The following RIF1 variants were observed in gnomAD, a reference collection of about 807,000 sequenced individuals.
RIF1 encodes the protein replication timing regulatory factor 1, also known as telomere-associated protein RIF1.
A neutral mutation model predicts 247.1 loss-of-function variants in RIF1; 45 were observed. The observed-to-expected ratio is 0.18, with a 90% CI of 0.14 to 0.23. The LOEUF is 0.23. Among genes scored for constraint, RIF1 ranks in the 10% least tolerant of loss-of-function variants. The pLI is 1.00. For synonymous variants in RIF1, 1,087 were observed against 978.8 expected (o/e 1.11, Z -2.06); for missense variants, 2,967 against 2,862.5 (o/e 1.04, Z -0.83).
In RIF1 at chr2:151,490,245, G is replaced by C. The variant is rs2055208846; in HGVS notation, c.*416-4984G>C. The C allele has an allele frequency of 3.1e-6, 4 of 1,273,850 alleles. 1 individual carries two copies. In the South Asian group the frequency reaches 6.0e-5, roughly 19 times the overall value. 78.9% of individuals were successfully genotyped at this position (1,273,850 alleles called of 1,614,324 possible). On this transcript the variant is annotated intron_variant and NMD_transcript_variant, in intron 9 of 13. Coordinates refer to the RIF1 transcript ENST00000454583. ...CTTCATGCAGCCCTCCACAATTCTA[G>C]TCTTTTCTCATTAAAGGAAAGGATG...
chr2:151,522,423 G>A, the RIF1 span, among the ~76,000 whole-genome samples: 1 of 152,192 alleles, frequency 6.6e-6, no homozygotes, highest in African/African-American at 2.4e-5. Flanking sequence ...GAGATTCTCA[G>A]TTTGTTTTCA....
At position 151,469,844 on chromosome 2, in the gene RIF1, A is replaced by G. The variant is rs1458600291; in HGVS notation, c.7075A>G (p.Arg2359Gly). ...AGTGTCCAATGTAAAAAAGGCTCTC[A>G]GAATATATCATGAGCAGCAGGTAAA... ...PKVSNVKKAL[R>G]IYHEQQVKTR... The change falls in exon 34 of 36, where the codon AGA (arginine) becomes GGA (glycine). Residue 2359 changes from arginine (R) to glycine (G), a missense_variant. Arg to Gly is a moderately radical substitution (Grantham distance 125). This residue lies in a region of RIF1 where 151 missense variants were observed against 163.4 expected (regional missense o/e 0.92). Transcript: ENST00000444746. The G allele has an allele frequency of 1.2e-6, 2 of 1,606,226 alleles. No homozygotes were observed. The highest frequency in any genetic ancestry group is 1.1e-5 in the South Asian group (1 of 89,388).
intron 6 of RIF1, among the ~76,000 whole-genome samples, chr2:151,419,116 A>G (rs1687730507): frequency 6.6e-6 from 1 of 151,740 alleles, no homozygotes; most frequent in South Asian, 2.1e-4. Flanking sequence ...GGGCAGTAAC[A>G]TGCATGGAGC....
chr2:151,477,988 C>T lies in RIF1; in HGVS notation c.*2917C>T, dbSNP rs926470888. The stretch of plus-strand genomic sequence containing the variant: ...CCTCCTAAAATGGTGGCATTACAGG[C>T]GTGAGCCACCGCTCCTGGCCCATCA... On this transcript the variant is annotated 3_prime_UTR_variant, in exon 36 of 36. Transcript: ENST00000444746. The T allele has an allele frequency of 1.3e-5, 2 of 152,230 alleles. No individual in the cohort carries two copies. The highest frequency in any genetic ancestry group is 2.9e-5 in the Non-Finnish European group (2 of 68,044). 9.4% of individuals were successfully genotyped at this position (152,230 alleles called of 1,614,324 possible). A position where few individuals can be genotyped will look rare whatever the true frequency, so the allele number is the denominator to read the frequency against.
chr2:151,512,019 C>CTTTTTTTTTT (rs71403173), downstream of RIF1, among the ~76,000 whole-genome samples: 12 of 93,582 alleles, frequency 1.3e-4, 1 homozygote, highest in South Asian at 2.2e-3. Flanking sequence ...CCCTCTCACT[C>CTTTTTTTTTT]TTTTTTTTTT....
intron 7 of RIF1, 87 bp downstream of exon 7, chr2:151,420,466 C>A: frequency 1.5e-6 from 2 of 1,293,058 alleles, no homozygotes; most frequent in Non-Finnish European, 1.1e-6. Flanking sequence ...TGGCCAGGTA[C>A]GGTGGCTCTC....
At chr2:151,447,572 G>T (rs1693536237) in intron 20 of RIF1, among the ~76,000 whole-genome samples, 1 of 152,146 alleles carries the variant, frequency 6.6e-6, no homozygotes, top group Non-Finnish European at 1.5e-5. Context: ...TTGAGACAGA[G>T]TCTCACTCTG....
intron 4 of RIF1, among the ~76,000 whole-genome samples, chr2:151,415,391 C>A (rs970553777): frequency 6.6e-6 from 1 of 150,748 alleles, no homozygotes; most frequent in Non-Finnish European, 1.5e-5. Flanking sequence ...ACACATAGCT[C>A]TAACTTCGAT....
intron 13 of RIF1, 113 bp downstream of exon 13, chr2:151,437,464 G>C: frequency 1.3e-6 from 1 of 762,522 alleles, no homozygotes; most frequent in Non-Finnish European, 2.2e-6. Context: ...GCCGAGGTGA[G>C]TGGATCACTT....
intron 4 of RIF1, among the ~76,000 whole-genome samples, chr2:151,415,345 C>CAAA (rs34015306): frequency 2.2e-5 from 3 of 136,578 alleles, no homozygotes; most frequent in African/African-American, 8.1e-5. Flanking sequence ...GACCCCATCT[C>CAAA]AAAAAAAAAA....
At chr2:151,526,921 A>T in the RIF1 span, 1 of 1,584,316 alleles carries the variant, frequency 6.3e-7, no homozygotes, top group Non-Finnish European at 8.6e-7. Context: ...TACTTACATC[A>T]CTTTCTATTA....
downstream of RIF1, among the ~76,000 whole-genome samples, chr2:151,510,417 A>T (rs1176909231): frequency 6.6e-6 from 1 of 152,226 alleles, no homozygotes; most frequent in Non-Finnish European, 1.5e-5. Flanking sequence ...TAACTTAACC[A>T]TTCATTTAGT....
intron 9 of RIF1, chr2:151,490,216 C>CT: frequency 8.5e-7 from 1 of 1,172,772 alleles, no homozygotes; most frequent in South Asian, 1.6e-5. Flanking sequence ...AATGAAACAT[C>CT]TAACTTCATG....
chr2:151,512,967 T>C (rs1467027992), downstream of RIF1: 2 of 659,402 alleles, frequency 3.0e-6, no homozygotes, highest in Non-Finnish European at 5.3e-6. Flanking sequence ...TCAACAGATA[T>C]TTCTTCCTAT....
chr2:151,502,890 G>C lies in RIF1; in HGVS notation c.*710-144G>C, dbSNP rs1559296915. ...CAAATTTTCTTTGTACAAAACCTGTGAGATACAAGAAAGTACCCAGAGGAC... is the reference window on the plus strand; with the variant it reads ...CAAATTTTCTTTGTACAAAACCTGTCAGATACAAGAAAGTACCCAGAGGAC... On this transcript the variant is annotated intron_variant and NMD_transcript_variant, in intron 11 of 13. Coordinates refer to the RIF1 transcript ENST00000454583. 29 of 1,546,092 alleles carry C rather than the reference G, an allele frequency of 1.9e-5. No individual in the cohort carries two copies. The highest frequency in any genetic ancestry group is 2.6e-5 in the Non-Finnish European group (29 of 1,124,700).
the RIF1 span, chr2:151,526,885 G>A: frequency 7.0e-7 from 1 of 1,419,164 alleles, no homozygotes; most frequent in Admixed American, 1.9e-5. Context: ...CCCTGAGTGA[G>A]GTTAGGCATC....
At chr2:151,490,420 G>A in intron 9 of RIF1, 2 of 1,599,768 alleles carry the variant, frequency 1.3e-6, no homozygotes, top group East Asian at 2.3e-5. Context: ...GAAAGGTGGT[G>A]GTCTGGTGCT....
At chr2:151,428,980 T>C in intron 9 of RIF1, 58 bp downstream of exon 9, 1 of 1,120,928 alleles carries the variant, frequency 8.9e-7, no homozygotes, top group Non-Finnish European at 1.3e-6. Flanking sequence ...TAAAGCAAGA[T>C]AAATGAAGTT....
chr2:151,514,498 A>C, the RIF1 span: 4 of 1,211,212 alleles, frequency 3.3e-6, no homozygotes, highest in Non-Finnish European at 4.9e-6. Context: ...CAAAGAAGAA[A>C]ATAAAAAACA....
Sources: gnomAD v4.1 joint callset for allele counts (sites outside exome capture counted in the v4.1 genomes callset) on GRCh38, gnomAD v4.1.1 for gene constraint, gnomAD v4.1.1 regional missense constraint, MANE v1.5 for transcripts, NCBI Gene and HGNC (gene_info 2026-07-23, HGNC 2026-07-21) for gene names.